RPS6KA2: variants seen among roughly 807,000 people sequenced by gnomAD.
RPS6KA2 encodes the protein ribosomal protein S6 kinase alpha-2.
Under a neutral mutation model 91.8 loss-of-function variants are expected in RPS6KA2, and 42 were observed. The observed-to-expected ratio is 0.46, with a 90% CI of 0.36 to 0.59. RPS6KA2 has a LOEUF of 0.59. RPS6KA2 is among the 20% of genes least tolerant of loss of function. The pLI is 0.00. For synonymous variants in RPS6KA2, 414 were observed against 393.6 expected (o/e 1.05, Z -0.61); for missense variants, 798 against 978.5 (o/e 0.82, Z 2.46).
rs1317911566 is a variant in RPS6KA2 at position 166,490,287 on chromosome 6, C to G, written c.818+384G>C. Among the ~76,000 whole-genome samples the G allele has an allele frequency of 1.3e-5, 2 of 152,116 alleles. No individual in the cohort carries two copies. Among genetic ancestry groups the G allele is most frequent in the Non-Finnish European group, 1.5e-5 (1 of 68,028 alleles). On this transcript the variant is annotated intron_variant, in intron 9 of 20. Transcript: ENST00000265678. The surrounding 1 kb of genome is among the most constrained non-coding windows in gnomAD (Gnocchi z 4.2). ...GGACAAGGCCCTGGAGGCCTTGTGT[C>G]TTTTTCCGTCTATCCTTTACTTCTG...
At chr6:166,672,042 C>T (rs1788487077) in intron 2 of RPS6KA2, among the ~76,000 whole-genome samples, 1 of 152,170 alleles carries the variant, frequency 6.6e-6, no homozygotes. Context: ...AAGTGCACGA[C>T]CTCAGCATTT....
At position 166,429,962 on chromosome 6, in the gene RPS6KA2, C is replaced by CT. The variant is rs1302011018; in HGVS notation, c.1581+490dup. ...AGAGGGAAAAAAGAATTTTTCTTTT[C>CT]TTTTTTTTTTTTTGAGATGGAGTCT... On this transcript the variant is annotated intron_variant, in intron 16 of 20. Coordinates refer to ENST00000265678, the MANE Select transcript of RPS6KA2 (RefSeq NM_021135.6). Among the ~76,000 whole-genome samples the CT allele has an allele frequency of 7.2e-3, 1,023 of 142,158 alleles. 13 individuals carry two copies. Among genetic ancestry groups the CT allele is most frequent in the African/African-American group, 0.021 (809 of 39,138 alleles). The allele number at this position is 142,158 out of a possible 152,430, so 93.3% of individuals were successfully genotyped here.
chr6:166,597,250 C>T (rs1785565699), intron 1 of RPS6KA2, among the ~76,000 whole-genome samples: 1 of 152,168 alleles, frequency 6.6e-6, no homozygotes, highest in African/African-American at 2.4e-5. Flanking sequence ...GAGCTGGTGG[C>T]GAGGCACCCC....
rs978916040 is a variant in RPS6KA2 at position 166,717,857 on chromosome 6, T to TG, written c.123+140342_123+140343insC. On this transcript the variant is annotated intron_variant, in intron 2 of 21. Coordinates refer to the RPS6KA2 transcript ENST00000503859. ...TTTCTTTTTTCTTCTTTTCTTTCTT[T>TG]TTTTTTTTTAGACGGAGTTTTTGCT... 4.0e-5 allele frequency among the ~76,000 whole-genome samples: 6 copies of TG among 151,648 alleles called. No individual in the cohort carries two copies. The East Asian group carries it at 5.8e-4, about 15-fold the overall frequency.
chr6:166,556,247 G>T (rs899214370), intron 1 of RPS6KA2, among the ~76,000 whole-genome samples: 1 of 152,114 alleles, frequency 6.6e-6, no homozygotes, highest in Non-Finnish European at 1.5e-5. Context: ...TTCTCTGCTC[G>T]GGTTCAGACA....
chr6:166,830,085 A>C (rs1375874578), intron 2 of RPS6KA2, among the ~76,000 whole-genome samples: 1 of 149,664 alleles, frequency 6.7e-6, no homozygotes, highest in East Asian at 1.9e-4. Context: ...AGATCGCACC[A>C]TTGCACTCCA....
intron 1 of RPS6KA2, among the ~76,000 whole-genome samples, chr6:166,596,827 T>C (rs1234027096): frequency 2.0e-5 from 3 of 152,178 alleles, no homozygotes; most frequent in African/African-American, 7.2e-5. Flanking sequence ...ACACTGGGCC[T>C]GAATATGGGA....
intron 12 of RPS6KA2, among the ~76,000 whole-genome samples, chr6:166,458,826 T>C (rs532157946): frequency 1.3e-5 from 2 of 152,326 alleles, no homozygotes; most frequent in East Asian, 1.9e-4. Flanking sequence ...TTTGTTATGA[T>C]AGCCCTATCA....
intron 2 of RPS6KA2, among the ~76,000 whole-genome samples, chr6:166,816,690 G>A (rs1322802812): frequency 6.6e-6 from 1 of 152,172 alleles, no homozygotes; most frequent in Non-Finnish European, 1.5e-5. Flanking sequence ...ATTTTAAACA[G>A]TGCTTCTTAT....
intron 10 of RPS6KA2, among the ~76,000 whole-genome samples, chr6:166,476,062 G>C (rs1429142765): frequency 1.3e-5 from 2 of 152,084 alleles, no homozygotes. Flanking sequence ...TAATGAGTCC[G>C]GCATCAGCAG....
chr6:166,573,640 G>A (rs936657871), intron 1 of RPS6KA2, among the ~76,000 whole-genome samples: 4 of 152,168 alleles, frequency 2.6e-5, no homozygotes, highest in East Asian at 1.9e-4. Flanking sequence ...CTGTGGCTCC[G>A]GCCTCACCGG....
intron 2 of RPS6KA2, among the ~76,000 whole-genome samples, chr6:166,760,830 T>C (rs1778149805): frequency 6.6e-6 from 1 of 152,222 alleles, no homozygotes; most frequent in African/African-American, 2.4e-5. Context: ...TTTACAGTTA[T>C]CCTAAATACA....
intron 3 of RPS6KA2, among the ~76,000 whole-genome samples, chr6:166,513,570 C>A (rs1055964409): frequency 8.5e-5 from 13 of 152,198 alleles, no homozygotes; most frequent in African/African-American, 2.9e-4. Context: ...GAGACCCCTG[C>A]CTGCCCCGCT....
chr6:166,676,939 C>T (rs939362463), intron 2 of RPS6KA2, among the ~76,000 whole-genome samples: 1 of 152,202 alleles, frequency 6.6e-6, no homozygotes, highest in Admixed American at 6.5e-5. Flanking sequence ...GAAAGGATTT[C>T]TTTAATGGTC....
At chr6:166,728,870 T>G (rs1459677150) in intron 2 of RPS6KA2, among the ~76,000 whole-genome samples, 1 of 152,214 alleles carries the variant, frequency 6.6e-6, no homozygotes. Flanking sequence ...AACAATCATT[T>G]TAGTGTGCTA....
At chr6:166,793,992 A>G (rs1447257769) in intron 2 of RPS6KA2, among the ~76,000 whole-genome samples, 3 of 142,636 alleles carry the variant, frequency 2.1e-5, no homozygotes, top group African/African-American at 7.5e-5. Context: ...ACAAAAGACA[A>G]AATTGACAAA....
chr6:166,548,628 A>G (rs1451167829), intron 1 of RPS6KA2, among the ~76,000 whole-genome samples: 1 of 152,216 alleles, frequency 6.6e-6, no homozygotes, highest in East Asian at 1.9e-4. Flanking sequence ...CTGGACTTTC[A>G]TAGGCAAAGA....
At chr6:166,812,906 T>C (rs946698372) in intron 2 of RPS6KA2, among the ~76,000 whole-genome samples, 6 of 152,122 alleles carry the variant, frequency 3.9e-5, no homozygotes, top group African/African-American at 1.4e-4. Flanking sequence ...CAGTTTTCTA[T>C]AGAAATCGGG....
intron 2 of RPS6KA2, among the ~76,000 whole-genome samples, chr6:166,688,887 A>G (rs1789104944): frequency 6.6e-6 from 1 of 152,252 alleles, no homozygotes; most frequent in African/African-American, 2.4e-5. Context: ...AATTACAAGG[A>G]CTAAGTGAAT....
Sources: gnomAD v4.1 joint callset for allele counts (sites outside exome capture counted in the v4.1 genomes callset) on GRCh38, gnomAD v4.1.1 for gene constraint, Gnocchi (gnomAD v3.1) non-coding constraint, MANE v1.5 for transcripts, NCBI Gene and HGNC (gene_info 2026-07-23, HGNC 2026-07-21) for gene names.